Variants in LRBA observed in about 807,000 individuals in gnomAD.
The protein encoded by LRBA is lipopolysaccharide-responsive and beige-like anchor protein.
In LRBA, 176 loss-of-function variants were observed where a neutral mutation model predicts 330.0. That is an observed-to-expected ratio of 0.53 (90% CI 0.47 to 0.60). The LOEUF is 0.60. Among genes scored for constraint, LRBA ranks in the 20% least tolerant of loss-of-function variants. The pLI is 0.00. For synonymous variants in LRBA, 1,230 were observed against 1,193.0 expected (o/e 1.03, Z -0.64); for missense variants, 3,259 against 3,444.8 (o/e 0.95, Z 1.35).
intron 46 of LRBA, 29 bp downstream of exon 46, chr4:150,435,560 A>G: frequency 6.3e-7 from 1 of 1,591,386 alleles, no homozygotes; most frequent in South Asian, 1.2e-5. Context: ...CACTGGCAAT[A>G]ACAACTATAA....
rs374285329 is a variant in LRBA, at chr4:150,906,203, G to A, written c.1602+94C>T. 5.1e-5 allele frequency: 45 copies of A among 885,804 alleles called. 1 individual carries two copies. The Admixed American group carries it at 7.0e-4, about 14-fold the overall frequency. 54.9% of individuals were successfully genotyped at this position (885,804 alleles called of 1,614,324 possible). On this transcript the variant is annotated intron_variant, in intron 12 of 56. Transcript: ENST00000651943. ...TTAGGTAATTTTCTGTAACCAAGGA[G>A]ACATTCTTGCAGACAGAATTCCTTA...
chr4:150,865,858 G>A lies in LRBA; in HGVS notation c.2766+1813C>T, dbSNP rs570249704. ...GGCCCCCCAAGTAGCTGGGATTACA[G>A]GTGCACGCCACCACGCCTGGCTAAT... On this transcript the variant is annotated intron_variant, in intron 22 of 56. Transcript: ENST00000651943. Among the ~76,000 whole-genome samples the A allele has an allele frequency of 4.6e-5, 7 of 152,092 alleles. No homozygotes were observed. In the South Asian group the frequency reaches 1.5e-3, roughly 32 times the overall value.
intron 50 of LRBA, among the ~76,000 whole-genome samples, chr4:150,316,235 T>A (rs1372793326): frequency 6.6e-6 from 1 of 152,172 alleles, no homozygotes; most frequent in Non-Finnish European, 1.5e-5. Context: ...TTTATTAATA[T>A]TTAATATTTC....
chr4:150,550,961 G>A (rs927051584), intron 40 of LRBA, among the ~76,000 whole-genome samples: 2 of 152,254 alleles, frequency 1.3e-5, no homozygotes, highest in Admixed American at 1.3e-4. Flanking sequence ...CAAAGTTCAT[G>A]TGTTGGAAAC....
intron 47 of LRBA, among the ~76,000 whole-genome samples, chr4:150,411,232 C>A (rs923949163): frequency 1.3e-5 from 2 of 152,118 alleles, no homozygotes; most frequent in African/African-American, 4.8e-5. Context: ...ATAAGCCCAT[C>A]CACTTAGCCA....
intron 43 of LRBA, among the ~76,000 whole-genome samples, chr4:150,468,862 A>C (rs1755764259): frequency 6.6e-6 from 1 of 151,884 alleles, no homozygotes; most frequent in South Asian, 2.1e-4. Flanking sequence ...TACTCTATTC[A>C]TCTTAGGCTT....
intron 42 of LRBA, among the ~76,000 whole-genome samples, chr4:150,480,695 ATATT>A (rs1397423077): frequency 2.0e-5 from 3 of 152,260 alleles, no homozygotes; most frequent in East Asian, 3.9e-4. Flanking sequence ...TTAATTTTTT[ATATT>A]TATTTAAACA....
intron 50 of LRBA, among the ~76,000 whole-genome samples, chr4:150,320,591 G>C (rs1297144599): frequency 6.6e-6 from 1 of 152,040 alleles, no homozygotes; most frequent in African/African-American, 2.4e-5. Flanking sequence ...AGGACTGCTT[G>C]AGGCCAGGAG....
chr4:150,867,468 T>C (rs1311885565), intron 22 of LRBA, among the ~76,000 whole-genome samples: 2 of 152,182 alleles, frequency 1.3e-5, no homozygotes, highest in Admixed American at 1.3e-4. Context: ...AAAAACAACA[T>C]TAGAAAAAAT....
At chr4:150,970,564 C>CGTGT (rs1561074320) in intron 2 of LRBA, 20 of 136,022 alleles carry the variant, frequency 1.5e-4, no homozygotes, top group Admixed American at 2.9e-4. Context: ...TGTACACACA[C>CGTGT]ACACACACAC....
At chr4:150,431,923 T>C (rs528495717) in intron 46 of LRBA, among the ~76,000 whole-genome samples, 202 of 152,256 alleles carry the variant, frequency 1.3e-3, no homozygotes, top group African/African-American at 4.6e-3. Flanking sequence ...ATTGCTTTAG[T>C]GTAAAAAAAG....
At chr4:150,555,520 G>T (rs1581660598) in intron 40 of LRBA, among the ~76,000 whole-genome samples, 1 of 152,156 alleles carries the variant, frequency 6.6e-6, no homozygotes, top group African/African-American at 2.4e-5. Context: ...GGAGGCCAAG[G>T]TGGGCGGATC....
At chr4:150,537,319 ATTAACTCAAGATAG>A (rs1764766315) in intron 40 of LRBA, among the ~76,000 whole-genome samples, 1 of 152,360 alleles carries the variant, frequency 6.6e-6, no homozygotes, top group Admixed American at 6.5e-5. Flanking sequence ...ATATACAAAA[ATTAACTCAAGATAG>A]ATGAAAGATT....
chr4:150,437,111 T>C (rs560918928), intron 44 of LRBA, among the ~76,000 whole-genome samples: 35 of 152,242 alleles, frequency 2.3e-4, no homozygotes, highest in South Asian at 8.3e-4. Context: ...TCATGGAACA[T>C]AGGTGTTTAA....
intron 40 of LRBA, among the ~76,000 whole-genome samples, chr4:150,551,995 C>T (rs1766661437): frequency 1.3e-5 from 2 of 152,030 alleles, no homozygotes; most frequent in African/African-American, 2.4e-5. Flanking sequence ...GAAACTCTTC[C>T]GACTCAGATC....
At chr4:150,374,849 A>G (rs1740996641) in intron 47 of LRBA, among the ~76,000 whole-genome samples, 1 of 152,200 alleles carries the variant, frequency 6.6e-6, no homozygotes, top group Non-Finnish European at 1.5e-5. Context: ...TAAGACTCCA[A>G]AATACAGTTG....
chr4:150,753,499 C>T (rs190132732), intron 35 of LRBA, among the ~76,000 whole-genome samples: 5 of 152,272 alleles, frequency 3.3e-5, no homozygotes, highest in South Asian at 2.1e-4. Context: ...AATGATCCTA[C>T]GTACATAGAT....
At chr4:150,806,606 C>A (rs1742830651) in intron 32 of LRBA, among the ~76,000 whole-genome samples, 1 of 152,098 alleles carries the variant, frequency 6.6e-6, no homozygotes, top group Admixed American at 6.6e-5. Context: ...CCCCTACAAT[C>A]TCCAACAAAC....
intron 2 of LRBA, among the ~76,000 whole-genome samples, chr4:150,957,008 G>A (rs1371810694): frequency 6.7e-6 from 1 of 148,870 alleles, no homozygotes; most frequent in East Asian, 1.9e-4. Context: ...TATGTAATGT[G>A]TGTGAGTGTG....
Sources: gnomAD v4.1 joint callset for allele counts (sites outside exome capture counted in the v4.1 genomes callset) on GRCh38, gnomAD v4.1.1 for gene constraint, MANE v1.5 for transcripts, NCBI Gene and HGNC (gene_info 2026-07-23, HGNC 2026-07-21) for gene names.